NCAM2: variants seen among roughly 807,000 people sequenced by gnomAD.
NCAM2 encodes the protein N-CAM-2.
In NCAM2, 30 loss-of-function variants were observed where a neutral mutation model predicts 98.1. The ratio of observed to expected loss-of-function variants is 0.31; its 90% CI spans 0.23 to 0.41. The LOEUF is 0.41. Ranked by LOEUF, NCAM2 falls within the 10% of genes least tolerant of loss-of-function variation. The pLI is 1.00. For missense variants in NCAM2, 867 were observed against 1,005.8 expected (o/e 0.86, Z 1.87); for synonymous variants, 368 against 342.4 (o/e 1.07, Z -0.83).
intron 14 of NCAM2, among the ~76,000 whole-genome samples, chr21:21,468,988 C>G (rs1381259868): frequency 1.3e-5 from 2 of 151,784 alleles, no homozygotes; most frequent in Non-Finnish European, 2.9e-5. Context: ...AAAGTATTCT[C>G]ATGGTTTTCA....
chr21:21,489,101 A>G (rs1986636055), intron 15 of NCAM2, among the ~76,000 whole-genome samples: 1 of 151,942 alleles, frequency 6.6e-6, no homozygotes, highest in African/African-American at 2.4e-5. Context: ...AGCAACACTC[A>G]TGCCTCGGCC....
intron 1 of NCAM2, among the ~76,000 whole-genome samples, chr21:21,216,163 A>G (rs1461178730): frequency 6.6e-6 from 1 of 152,170 alleles, no homozygotes; most frequent in African/African-American, 2.4e-5. Flanking sequence ...TGTGCCAGGC[A>G]CTATTCTGGG....
intron 6 of NCAM2, among the ~76,000 whole-genome samples, chr21:21,332,315 A>AC (rs2074738013): frequency 6.6e-6 from 1 of 152,154 alleles, no homozygotes. Context: ...TGACTTGGAA[A>AC]AAGTTTTATT....
chr21:21,409,220 G>T (rs2076806978), intron 9 of NCAM2, among the ~76,000 whole-genome samples: 1 of 152,122 alleles, frequency 6.6e-6, no homozygotes, highest in Admixed American at 6.5e-5. Context: ...TTAGATCGTA[G>T]TCCTGGGGTG....
intron 9 of NCAM2, among the ~76,000 whole-genome samples, chr21:21,387,574 A>C (rs1035089510): frequency 3.3e-5 from 5 of 152,172 alleles, no homozygotes; most frequent in African/African-American, 1.2e-4. Flanking sequence ...TCTCAGCCTC[A>C]CACTGTTCAT....
intron 12 of NCAM2, among the ~76,000 whole-genome samples, chr21:21,437,513 C>G (rs949823218): frequency 1.9e-5 from 1 of 52,512 alleles, no homozygotes; most frequent in Non-Finnish European, 3.8e-5. Context: ...TCTAGCACAC[C>G]CTTTTATTTC....
intron 1 of NCAM2, among the ~76,000 whole-genome samples, chr21:21,187,106 C>T (rs1339552599): frequency 1.3e-5 from 2 of 151,776 alleles, no homozygotes; most frequent in Non-Finnish European, 2.9e-5. Flanking sequence ...GGTTTGTGCC[C>T]ATAGTCCCAG....
intron 1 of NCAM2, among the ~76,000 whole-genome samples, chr21:21,001,433 G>T (rs2064017836): frequency 6.6e-6 from 1 of 152,166 alleles, no homozygotes; most frequent in African/African-American, 2.4e-5. Context: ...CTGTAATTCT[G>T]TAACTTTTGC....
chr21:21,507,928 A>G (rs1032383344), intron 15 of NCAM2, among the ~76,000 whole-genome samples: 2 of 151,298 alleles, frequency 1.3e-5, no homozygotes, highest in Admixed American at 1.3e-4. Context: ...ATTTCTTTTC[A>G]TTGTTATTAT....
intron 1 of NCAM2, among the ~76,000 whole-genome samples, chr21:21,096,865 T>C (rs899664667): frequency 3.3e-5 from 5 of 151,692 alleles, no homozygotes; most frequent in Non-Finnish European, 7.4e-5. Flanking sequence ...TCTATATCTT[T>C]ATTTGTTACA....
At chr21:21,013,558 G>C (rs551993001) in intron 1 of NCAM2, among the ~76,000 whole-genome samples, 1 of 152,260 alleles carries the variant, frequency 6.6e-6, no homozygotes, top group East Asian at 1.9e-4. Flanking sequence ...GAAGTGGGCA[G>C]ATCATTTGAG....
At chr21:21,348,233 A>T (rs2075241639) in intron 8 of NCAM2, among the ~76,000 whole-genome samples, 1 of 152,126 alleles carries the variant, frequency 6.6e-6, no homozygotes, top group Admixed American at 6.5e-5. Flanking sequence ...TCACAAGAAA[A>T]CTGTCAGAAC....
At chr21:21,264,706 C>A (rs910051578) in intron 1 of NCAM2, among the ~76,000 whole-genome samples, 1 of 148,806 alleles carries the variant, frequency 6.7e-6, no homozygotes, top group African/African-American at 2.5e-5. Flanking sequence ...CATACACACA[C>A]ATACATCATT....
chr21:21,355,796 A>C (rs541267378), intron 8 of NCAM2, among the ~76,000 whole-genome samples: 2 of 151,818 alleles, frequency 1.3e-5, no homozygotes, highest in African/African-American at 4.8e-5. Flanking sequence ...TTGTATGTTT[A>C]GTAGAGACCA....
intron 9 of NCAM2, among the ~76,000 whole-genome samples, chr21:21,379,716 T>A (rs1351660762): frequency 1.3e-5 from 2 of 152,094 alleles, no homozygotes; most frequent in Non-Finnish European, 2.9e-5. Flanking sequence ...GCACATATAT[T>A]CTGTAGTTGT....
chr21:21,104,878 CT>C (rs1286425377), intron 1 of NCAM2, among the ~76,000 whole-genome samples: 1 of 152,070 alleles, frequency 6.6e-6, no homozygotes, highest in Non-Finnish European at 1.5e-5. Context: ...TTTTTTCTTA[CT>C]CTTTGATCAC....
At chr21:21,497,593 C>T (rs1034465179) in intron 15 of NCAM2, among the ~76,000 whole-genome samples, 2 of 152,094 alleles carry the variant, frequency 1.3e-5, no homozygotes, top group Non-Finnish European at 1.5e-5. Flanking sequence ...TGGATTGCCA[C>T]TGAGTTTATT....
intron 1 of NCAM2, among the ~76,000 whole-genome samples, chr21:21,172,476 A>G (rs2068156431): frequency 6.6e-6 from 1 of 152,134 alleles, no homozygotes; most frequent in Non-Finnish European, 1.5e-5. Flanking sequence ...GTAAAATGAC[A>G]CTTTAAAATA....
At chr21:21,200,654 C>T (rs1312689194) in intron 1 of NCAM2, among the ~76,000 whole-genome samples, 1 of 150,892 alleles carries the variant, frequency 6.6e-6, no homozygotes, top group African/African-American at 2.4e-5. Context: ...TACCACACTG[C>T]TATCTTGTAT....
Sources: gnomAD v4.1 joint callset for allele counts (sites outside exome capture counted in the v4.1 genomes callset) on GRCh38, gnomAD v4.1.1 for gene constraint, MANE v1.5 for transcripts, NCBI Gene and HGNC (gene_info 2026-07-23, HGNC 2026-07-21) for gene names.